KATNAL2: variants seen among roughly 807,000 people sequenced by gnomAD.
KATNAL2 encodes katanin catalytic subunit A1 like 2.
A neutral mutation model predicts 76.3 loss-of-function variants in KATNAL2; 52 were observed. The ratio of observed to expected loss-of-function variants is 0.68; its 90% CI spans 0.55 to 0.86. The LOEUF (loss-of-function observed/expected upper bound fraction) is 0.86. Ranked by LOEUF, KATNAL2 falls within the 40% of genes least tolerant of loss-of-function variation. The pLI is 0.00. For missense variants in KATNAL2, 660 were observed against 668.9 expected, an observed-to-expected ratio of 0.99 and a Z score of 0.15; for synonymous variants, 243 against 244.2, an observed-to-expected ratio of 1.00 and a Z score of 0.05.
In KATNAL2 at chr18:47,101,004, GA is replaced by G; in HGVS notation, c.*2del. 1 of 1,613,988 alleles carries G rather than the reference GA, an allele frequency of 6.2e-7. No individual in the cohort carries two copies. Among genetic ancestry groups the G allele is most frequent in the East Asian group, 2.2e-5 (1 of 44,868 alleles). On this transcript the variant is annotated frameshift_variant and stop_lost, in exon 18 of 18. Coordinates refer to ENST00000683218, the MANE Select transcript of KATNAL2 (RefSeq NM_001387690.1). LOFTEE classifies it high-confidence loss of function. Reference protein sequence around the residue: ...SDWQREFESV* With the variant: ...SDWQREFESVX ...TGGCAAAGAGAGTTCGAGTCTGTCT[GA>G]AACCACATTTACCCTGACCTGGCCA...
chr18:47,082,855 G>A (rs1224732394), intron 15 of KATNAL2, among the ~76,000 whole-genome samples: 1 of 152,180 alleles, frequency 6.6e-6, no homozygotes, highest in Non-Finnish European at 1.5e-5. Flanking sequence ...GGTAGAGCCT[G>A]CCAAGTTTCC....
At chr18:46,932,309 A>G (rs532278399) in intron 1 of KATNAL2, among the ~76,000 whole-genome samples, 1 of 152,322 alleles carries the variant, frequency 6.6e-6, no homozygotes, top group Admixed American at 6.5e-5. Flanking sequence ...TTTTAAAATA[A>G]AAGAATAAAT....
chr18:47,033,284 AC>A, intron 3 of KATNAL2: 2 of 1,613,338 alleles, frequency 1.2e-6, no homozygotes, highest in Non-Finnish European at 1.7e-6. Flanking sequence ...TCTCCTGCAG[AC>A]TTCTCTTGCC....
Position 47,063,057 on chromosome 18 carries a change from A to C in KATNAL2, c.635A>C (p.Asn212Thr), listed in dbSNP as rs2061684554. The C allele has an allele frequency of 6.2e-7, 1 of 1,613,758 alleles. No individual in the cohort carries two copies. Among genetic ancestry groups the C allele is most frequent in the Non-Finnish European group, 8.5e-7 (1 of 1,179,800 alleles). Residue 212 changes from asparagine to threonine, a missense_variant, in exon 9 of 18, where the codon AAT (asparagine) becomes ACT (threonine). By Grantham distance (65) the Asn-to-Thr change is moderately conservative (BLOSUM62 0). Coordinates refer to ENST00000683218, the MANE Select transcript of KATNAL2 (RefSeq NM_001387690.1). ...SELALNTFDH[N>T]PDPSERLLKP... The stretch of plus-strand genomic sequence containing the variant: ...CTTGCCTTGAACACCTTCGACCATA[A>C]TCCAGACCCCTCAGTAAGTGGCGAA...
chr18:46,937,759 T>G (rs1332894182), intron 1 of KATNAL2, among the ~76,000 whole-genome samples: 1 of 152,182 alleles, frequency 6.6e-6, no homozygotes, highest in Non-Finnish European at 1.5e-5. Flanking sequence ...AAATGAAAAC[T>G]GAACCTGTCC....
intron 2 of KATNAL2, 152 bp from the exon 3 acceptor site, chr18:46,946,700 CAT>C (rs2059389686): frequency 9.6e-7 from 1 of 1,047,054 alleles, no homozygotes; most frequent in South Asian, 1.6e-5. Flanking sequence ...CATGGTCTAA[CAT>C]TGATTGGCAT....
chr18:47,039,467 T>G (rs2060889301), intron 3 of KATNAL2, among the ~76,000 whole-genome samples: 1 of 152,202 alleles, frequency 6.6e-6, no homozygotes, highest in African/African-American at 2.4e-5. Context: ...AGGATCTTTT[T>G]TTTTCTGTTC....
At chr18:47,038,666 C>A (rs928004328) in intron 3 of KATNAL2, among the ~76,000 whole-genome samples, 72 of 152,240 alleles carry the variant, frequency 4.7e-4, no homozygotes, top group African/African-American at 1.6e-3. Flanking sequence ...TCTTTCAATA[C>A]CTTACCAAAT....
intron 10 of KATNAL2, among the ~76,000 whole-genome samples, chr18:47,066,636 A>G (rs1435591642): frequency 2.6e-5 from 4 of 151,930 alleles, no homozygotes; most frequent in African/African-American, 9.7e-5. Context: ...ATGTAAGTTG[A>G]AGGCATATTC....
chr18:46,938,430 T>A (rs2059153099), intron 1 of KATNAL2, among the ~76,000 whole-genome samples: 1 of 152,228 alleles, frequency 6.6e-6, no homozygotes, highest in South Asian at 2.1e-4. Context: ...AGAAAGGATC[T>A]GAAGCAAATA....
chr18:47,056,939 T>G (rs2061488568), intron 6 of KATNAL2, among the ~76,000 whole-genome samples: 1 of 152,172 alleles, frequency 6.6e-6, no homozygotes, highest in African/African-American at 2.4e-5. Flanking sequence ...GATATTTTAT[T>G]TTTGTGCCAG....
In KATNAL2 at chr18:47,071,003, CA is replaced by C. The variant is rs753233459; in HGVS notation, c.1008+1404del. On this transcript the variant is annotated intron_variant, in intron 13 of 17. Coordinates refer to ENST00000683218, the MANE Select transcript of KATNAL2 (RefSeq NM_001387690.1). The stretch of plus-strand genomic sequence containing the variant: ...TCAGTTACGGTTGGCCCTTGAACAA[CA>C]GTTGGCCCTTCAACTGCACGGGTCT... Among the ~76,000 whole-genome samples, 113 of 152,314 alleles carry C rather than the reference CA, an allele frequency of 7.4e-4. 2 individuals are homozygous for C. The highest frequency in any genetic ancestry group is 2.7e-3 in the Admixed American group (41 of 15,300).
chr18:47,101,187 AT>A lies in KATNAL2; in HGVS notation c.*183del. ...TATATTTATTAACTTACCATTATCG[AT>A]GTCAGCAAAATATTGAGAGTTTCAG... On this transcript the variant is annotated 3_prime_UTR_variant, in exon 18 of 18. Transcript: ENST00000683218. 1.6e-6 allele frequency: 1 copy of A among 629,872 alleles called. No individual in the cohort carries two copies. Among genetic ancestry groups the A allele is most frequent in the Non-Finnish European group, 2.7e-6 (1 of 375,408 alleles). 39.0% of individuals were successfully genotyped at this position (629,872 alleles called of 1,614,324 possible).
At chr18:47,066,524 C>A (rs2061797944) in intron 10 of KATNAL2, among the ~76,000 whole-genome samples, 4 of 152,094 alleles carry the variant, frequency 2.6e-5, no homozygotes, top group Admixed American at 1.3e-4. Context: ...TTCAGAGGAG[C>A]ATTATCTCCT....
chr18:47,054,613 A>C, intron 6 of KATNAL2, 175 bp downstream of exon 6: 1 of 670,648 alleles, frequency 1.5e-6, no homozygotes, highest in Non-Finnish European at 2.7e-6. Flanking sequence ...ATTTGGGCCA[A>C]TGTCCGTCTA....
At chr18:46,936,681 G>A (rs2059102287) in intron 1 of KATNAL2, among the ~76,000 whole-genome samples, 1 of 152,204 alleles carries the variant, frequency 6.6e-6, no homozygotes, top group African/African-American at 2.4e-5. Flanking sequence ...GCCAGACACG[G>A]TGACTTATGC....
intron 15 of KATNAL2, among the ~76,000 whole-genome samples, chr18:47,081,036 C>T: frequency 6.6e-6 from 1 of 150,586 alleles, no homozygotes; most frequent in Non-Finnish European, 1.5e-5. Context: ...TCCTTCCCTT[C>T]CCTCTTTCCT....
intron 17 of KATNAL2, 31 bp from the exon 18 acceptor site, chr18:47,100,835 T>C: frequency 1.2e-6 from 2 of 1,613,890 alleles, no homozygotes; most frequent in African/African-American, 1.3e-5. Context: ...AGGTCGATTG[T>C]TGTGCTGTTA....
chr18:47,067,589 G>T (rs1409307750), intron 11 of KATNAL2, among the ~76,000 whole-genome samples: 2 of 152,262 alleles, frequency 1.3e-5, no homozygotes, highest in East Asian at 3.9e-4. Flanking sequence ...GCAGTGACCA[G>T]CAAAGCCAGC....
Sources: gnomAD v4.1 joint callset for allele counts (sites outside exome capture counted in the v4.1 genomes callset) on GRCh38, gnomAD v4.1.1 for gene constraint, MANE v1.5 for transcripts, NCBI Gene and HGNC (gene_info 2026-07-23, HGNC 2026-07-21) for gene names.